LRRC37B: variants seen among roughly 807,000 people sequenced by gnomAD.
LRRC37B encodes leucine-rich repeat-containing protein 37B.
In LRRC37B, 28 loss-of-function variants were observed where a neutral mutation model predicts 98.3. The ratio of observed to expected loss-of-function variants is 0.28; its 90% confidence interval spans 0.21 to 0.39. LRRC37B has a LOEUF of 0.39. LRRC37B is among the 10% of genes least tolerant of loss of function. The probability of loss-of-function intolerance (pLI) is 1.00; values close to 1 mark genes in which losing one functional copy is unlikely to be tolerated. For missense variants in LRRC37B, 938 were observed against 1,182.7 expected (o/e 0.79, Z 3.03); for synonymous variants, 364 against 442.7 (o/e 0.82, Z 2.23).
intron 7 of LRRC37B, among the ~76,000 whole-genome samples, chr17:32,038,906 G>A (rs1372236603): frequency 6.6e-6 from 1 of 152,112 alleles, no homozygotes; most frequent in African/African-American, 2.4e-5. Flanking sequence ...TTTGTGAAGA[G>A]CAGAAGTTTT....
chr17:32,030,527 A>C (rs1289388866), intron 3 of LRRC37B, 129 bp from the exon 7 acceptor site: 17 of 700,320 alleles, frequency 2.4e-5, no homozygotes, highest in South Asian at 4.0e-5. Context: ...GAAAGTTCAA[A>C]TACAGGTCCA....
At chr17:32,015,420 A>C (rs1910628384) in intron 1 of LRRC37B, among the ~76,000 whole-genome samples, 1 of 152,222 alleles carries the variant, frequency 6.6e-6, no homozygotes, top group African/African-American at 2.4e-5. Context: ...AGATTTTATT[A>C]GTTCTGGAGT....
intron 7 of LRRC37B, chr17:32,040,686 C>T (rs1598211262): frequency 1.3e-6 from 1 of 779,902 alleles, no homozygotes; most frequent in East Asian, 2.4e-5. Context: ...CGGCTACCCG[C>T]AGTTGGAGGG....
At chr17:32,021,599 C>T (rs141845881) in exon 1 of LRRC37B, 182 of 1,614,210 alleles carry the variant, frequency 1.1e-4, no homozygotes, top group Middle Eastern at 4.9e-4. Flanking sequence ...AGCTTCCTCG[C>T]CTCAAGTGGG....
chr17:32,027,213 C>G (rs111724933), intron 2 of LRRC37B, among the ~76,000 whole-genome samples: 1 of 152,102 alleles, frequency 6.6e-6, no homozygotes, highest in Admixed American at 6.5e-5. Flanking sequence ...AATGGAGGTT[C>G]TGCAGATCTT....
chr17:32,053,226 T>A (rs758434867), intron 11 of LRRC37B, 40 bp from the exon 15 acceptor site: 1 of 1,415,994 alleles, frequency 7.1e-7, no homozygotes, highest in African/African-American at 1.4e-5. Context: ...ATAGTGGTTG[T>A]TGTGATAGAT....
At chr17:32,030,364 A>C in intron 3 of LRRC37B, among the ~76,000 whole-genome samples, 1 of 151,768 alleles carries the variant, frequency 6.6e-6, no homozygotes, top group Non-Finnish European at 1.5e-5. Flanking sequence ...TGAGCTCATA[A>C]TCTAGGATTT....
At chr17:32,007,558 C>T (rs1276395776), upstream of LRRC37B, among the ~76,000 whole-genome samples, 5 of 151,934 alleles carry the variant, frequency 3.3e-5, no homozygotes, top group Non-Finnish European at 5.9e-5. The surrounding 1 kb of genome is among the most constrained non-coding windows in gnomAD (Gnocchi z 4.1). Context: ...CGCCACTGCG[C>T]CCGGCCCTCC....
chr17:32,009,064 T>G (rs1910471549), intron 1 of LRRC37B, among the ~76,000 whole-genome samples: 1 of 152,124 alleles, frequency 6.6e-6, no homozygotes, highest in Non-Finnish European at 1.5e-5. Context: ...TATGAAGAGT[T>G]CCGGTTGCCC....
intron 1 of LRRC37B, among the ~76,000 whole-genome samples, chr17:32,015,201 G>A (rs905986110): frequency 6.6e-6 from 1 of 152,140 alleles, no homozygotes; most frequent in African/African-American, 2.4e-5. Flanking sequence ...TAGGGATTGG[G>A]GGCAAATGGA....
exon 1 of LRRC37B, chr17:32,022,697 C>G (rs1199134812): frequency 1.2e-6 from 2 of 1,614,052 alleles, no homozygotes; most frequent in East Asian, 2.2e-5. Flanking sequence ...CCTCCACAAG[C>G]ACCAACATAT....
chr17:32,025,824 A>T (rs1365457688), intron 2 of LRRC37B, among the ~76,000 whole-genome samples: 1 of 152,226 alleles, frequency 6.6e-6, no homozygotes, highest in Non-Finnish European at 1.5e-5. Flanking sequence ...GTCCTCAAAA[A>T]TGTTGTGCCA....
upstream of LRRC37B, chr17:32,007,798 C>T (rs932172033): frequency 3.4e-6 from 4 of 1,186,280 alleles, no homozygotes; most frequent in African/African-American, 6.4e-5. The surrounding 1 kb of genome is among the most constrained non-coding windows in gnomAD (Gnocchi z 4.1). Flanking sequence ...CTGAGCTCGC[C>T]CAGGGTGGGC....
At chr17:32,021,480 G>A (rs1910778470) in exon 1 of LRRC37B, 1 of 1,614,186 alleles carries the variant, frequency 6.2e-7, no homozygotes, top group African/African-American at 1.3e-5. Flanking sequence ...CCTGGGGCCA[G>A]AGCCGTTCTT....
chr17:32,022,901 C>T (rs1910843697), intron 1 of LRRC37B, 76 bp downstream of exon 4: 2 of 1,397,338 alleles, frequency 1.4e-6, no homozygotes, highest in Admixed American at 3.4e-5. Context: ...CCTTCCTGGG[C>T]CTTCTTTATC....
At chr17:32,014,799 A>G (rs1036088302) in intron 1 of LRRC37B, among the ~76,000 whole-genome samples, 1 of 152,182 alleles carries the variant, frequency 6.6e-6, no homozygotes, top group African/African-American at 2.4e-5. Flanking sequence ...ATAAAATAAG[A>G]TAATGCACTT....
intron 5 of LRRC37B, chr17:32,034,160 TC>T (rs1286292772): frequency 6.6e-6 from 1 of 152,092 alleles, no homozygotes; most frequent in African/African-American, 2.4e-5. Flanking sequence ...CTATTTTTTT[TC>T]CTTAACTGTG....
At chr17:32,030,460 T>C (rs1911080901) in intron 3 of LRRC37B, among the ~76,000 whole-genome samples, 196 bp from the exon 7 acceptor site, 1 of 150,464 alleles carries the variant, frequency 6.6e-6, no homozygotes, top group Admixed American at 6.6e-5. Flanking sequence ...ATATTTTGTT[T>C]ATTAAAAGTA....
chr17:32,016,228 C>T (rs1273530942), upstream of LRRC37B, among the ~76,000 whole-genome samples: 1 of 152,130 alleles, frequency 6.6e-6, no homozygotes, highest in African/African-American at 2.4e-5. Flanking sequence ...AGTACCTATA[C>T]ATTGTAATAT....
Sources: allele counts gnomAD v4.1 joint callset (sites outside exome capture counted in the v4.1 genomes callset), GRCh38; gene constraint gnomAD v4.1.1; non-coding constraint Gnocchi (gnomAD v3.1); transcripts MANE v1.5; gene names NCBI Gene and HGNC (gene_info 2026-07-23, HGNC 2026-07-21).